FBXW8: variants seen among roughly 807,000 people sequenced by gnomAD.
FBXW8 encodes F-box/WD repeat-containing protein 8.
A neutral mutation model predicts 65.3 loss-of-function variants in FBXW8; 57 were observed. The observed-to-expected ratio is 0.87, with a 90% CI of 0.71 to 1.09. The LOEUF is 1.09. Ranked by LOEUF, FBXW8 falls within the 50% of genes least tolerant of loss-of-function variation. FBXW8 has a pLI of 0.00. For missense variants in FBXW8, 777 were observed against 814.8 expected (o/e 0.95, Z 0.57); for synonymous variants, 308 against 330.2 (o/e 0.93, Z 0.73).
intron 3 of FBXW8, 39 bp from the exon 4 acceptor site, chr12:116,949,579 G>A (rs778152410): frequency 1.3e-5 from 20 of 1,591,876 alleles, no homozygotes; most frequent in Middle Eastern, 3.3e-4. Context: ...GGGCTGTCCC[G>A]AGAGCAGTCT....
In FBXW8 at chr12:117,029,468, G is replaced by T. The variant is rs1052112771; in HGVS notation, c.*1296G>T. 3 of 152,218 alleles carry T rather than the reference G, an allele frequency of 2.0e-5. No individual in the cohort carries two copies. The highest frequency in any genetic ancestry group is 1.9e-4 in the East Asian group (1 of 5,200). 9.4% of individuals were successfully genotyped at this position (152,218 alleles called of 1,614,324 possible). On this transcript the variant is annotated 3_prime_UTR_variant, in exon 11 of 11. Coordinates refer to ENST00000652555, the MANE Select transcript of FBXW8 (RefSeq NM_153348.3). The stretch of plus-strand genomic sequence containing the variant: ...ATACAAAACCCAGGGGATGGGGCTG[G>T]GAGGGGCTGTGAGGGGCTGGCACCT...
chr12:117,012,493 T>C (rs1401486062), intron 8 of FBXW8, among the ~76,000 whole-genome samples: 1 of 152,144 alleles, frequency 6.6e-6, no homozygotes, highest in Non-Finnish European at 1.5e-5. Context: ...CAGCTTAGAA[T>C]ATAGGGGTTT....
intron 2 of FBXW8, among the ~76,000 whole-genome samples, chr12:116,939,878 G>T (rs370066094): frequency 5.7e-4 from 87 of 152,288 alleles, no homozygotes; most frequent in African/African-American, 1.9e-3. Context: ...CTTCATGATT[G>T]CCCAGTGCTC....
At chr12:117,014,747 T>A (rs1455604455) in intron 8 of FBXW8, among the ~76,000 whole-genome samples, 1 of 152,188 alleles carries the variant, frequency 6.6e-6, no homozygotes, top group Admixed American at 6.5e-5. Context: ...GGGTTGGCAG[T>A]GGTTCAGTCT....
chr12:116,925,582 A>G (rs1443160631), intron 1 of FBXW8, among the ~76,000 whole-genome samples: 2 of 152,152 alleles, frequency 1.3e-5, no homozygotes, highest in African/African-American at 4.8e-5. Context: ...AAGGTCATCT[A>G]CATGAAAGTC....
At chr12:116,997,554 G>T (rs1953405062) in intron 7 of FBXW8, among the ~76,000 whole-genome samples, 1 of 152,134 alleles carries the variant, frequency 6.6e-6, no homozygotes, top group Non-Finnish European at 1.5e-5. Flanking sequence ...CTTGTTAGGT[G>T]CCTCCTTCAC....
In FBXW8 at chr12:117,029,275, C is replaced by G. The variant is rs1954306748; in HGVS notation, c.*1103C>G. On this transcript the variant is annotated 3_prime_UTR_variant, in exon 11 of 11. Coordinates refer to ENST00000652555, the MANE Select transcript of FBXW8 (RefSeq NM_153348.3). ...CACTGCACCCTATGGGCTATACCCT[C>G]AGGCAGGGCCCTGCTTTTCTAGGAA... The G allele has an allele frequency of 6.6e-6, 1 of 152,238 alleles. No homozygotes were observed. Among genetic ancestry groups the G allele is most frequent in the Admixed American group, 6.5e-5 (1 of 15,282 alleles). 9.4% of individuals were successfully genotyped at this position (152,238 alleles called of 1,614,324 possible). A position where few individuals can be genotyped will look rare whatever the true frequency, so the allele number is the denominator to read the frequency against.
chr12:117,022,510 C>A (rs1190473919), intron 8 of FBXW8, among the ~76,000 whole-genome samples: 1 of 152,002 alleles, frequency 6.6e-6, no homozygotes, highest in African/African-American at 2.4e-5. Context: ...AAAAAATTAG[C>A]CTGGTGTGGT....
chr12:116,985,343 T>A lies in FBXW8; in HGVS notation c.973T>A (p.Leu325Ile). 6.2e-7 allele frequency: 1 copy of A among 1,614,212 alleles called. No homozygotes were observed. The highest frequency in any genetic ancestry group is 8.5e-7 in the Non-Finnish European group (1 of 1,180,042). The change falls in exon 6 of 11, where the codon TTA becomes ATA. Residue 325 changes from leucine (L) to isoleucine (I), a missense_variant. By Grantham distance (5) the Leu-to-Ile change is conservative. Coordinates refer to ENST00000652555, the MANE Select transcript of FBXW8 (RefSeq NM_153348.3). ...ATASAFDVVM[L>I]SPNEEGYWQI... ...AGCTTCTGCTTTTGATGTCGTGATGTTATCCCCCAATGAGGAGGGGTACTG... is the reference window on the plus strand; with the variant it reads ...AGCTTCTGCTTTTGATGTCGTGATGATATCCCCCAATGAGGAGGGGTACTG...
At chr12:116,983,367 G>A (rs569537493) in intron 5 of FBXW8, among the ~76,000 whole-genome samples, 17 of 152,264 alleles carry the variant, frequency 1.1e-4, no homozygotes, top group African/African-American at 3.9e-4. Flanking sequence ...TTTGTGATCC[G>A]CTTATCCCCC....
chr12:116,994,197 C>G (rs1036757037), intron 7 of FBXW8, among the ~76,000 whole-genome samples: 1 of 152,010 alleles, frequency 6.6e-6, no homozygotes, highest in African/African-American at 2.4e-5. Context: ...AAAGTAGATA[C>G]CAGTACTGGT....
At chr12:117,018,730 C>T (rs1008866927) in intron 8 of FBXW8, among the ~76,000 whole-genome samples, 5 of 152,120 alleles carry the variant, frequency 3.3e-5, no homozygotes, top group Admixed American at 2.6e-4. Flanking sequence ...ACACTGAGGC[C>T]GCATCTTTTG....
At position 117,029,259 on chromosome 12, in the gene FBXW8, C is replaced by T. The variant is rs575611436; in HGVS notation, c.*1087C>T. On this transcript the variant is annotated 3_prime_UTR_variant, in exon 11 of 11. Coordinates refer to ENST00000652555, the MANE Select transcript of FBXW8 (RefSeq NM_153348.3). ...TCCCCCAACCCCAAGACACTGCACC[C>T]TATGGGCTATACCCTCAGGCAGGGC... is the stretch of plus-strand genomic sequence containing the variant. 6.6e-6 allele frequency: 1 copy of T among 152,378 alleles called. No individual in the cohort carries two copies. The highest frequency in any genetic ancestry group is 2.1e-4 in the South Asian group (1 of 4,830). 9.4% of individuals were successfully genotyped at this position (152,378 alleles called of 1,614,324 possible). A position where few individuals can be genotyped will look rare whatever the true frequency, so the allele number is the denominator to read the frequency against.
intron 4 of FBXW8, among the ~76,000 whole-genome samples, chr12:116,963,125 C>G (rs1167934926): frequency 6.6e-6 from 1 of 152,196 alleles, no homozygotes; most frequent in Non-Finnish European, 1.5e-5. Context: ...CCGTTTGGCT[C>G]TTTATCCCAC....
At chr12:116,965,367 T>G (rs1214536411) in intron 5 of FBXW8, among the ~76,000 whole-genome samples, 2 of 152,242 alleles carry the variant, frequency 1.3e-5, no homozygotes, top group Non-Finnish European at 2.9e-5. Context: ...GATAGAATTC[T>G]TTTTGTACAT....
At chr12:116,925,512 T>C (rs144581730) in intron 1 of FBXW8, among the ~76,000 whole-genome samples, 14 of 152,342 alleles carry the variant, frequency 9.2e-5, no homozygotes, top group Non-Finnish European at 7.3e-5. Context: ...GATATGGACC[T>C]TCCGTTAGTG....
intron 1 of FBXW8, among the ~76,000 whole-genome samples, chr12:116,921,368 G>T (rs1880885871): frequency 6.6e-6 from 1 of 152,176 alleles, no homozygotes; most frequent in Non-Finnish European, 1.5e-5. Flanking sequence ...GAGACGAATT[G>T]TTTTTTTGTG....
intron 3 of FBXW8, among the ~76,000 whole-genome samples, chr12:116,945,848 T>C (rs1882895722): frequency 1.3e-5 from 2 of 152,210 alleles, no homozygotes; most frequent in Non-Finnish European, 2.9e-5. Flanking sequence ...TTTCACCGAC[T>C]CTCTGGAGGG....
At chr12:116,967,923 C>T (rs1035881557) in intron 5 of FBXW8, among the ~76,000 whole-genome samples, 7 of 152,198 alleles carry the variant, frequency 4.6e-5, no homozygotes, top group East Asian at 3.9e-4. Context: ...CCTGCCACCA[C>T]GCCCAGCTAA....
Sources: allele counts gnomAD v4.1 joint callset (sites outside exome capture counted in the v4.1 genomes callset), GRCh38; gene constraint gnomAD v4.1.1; transcripts MANE v1.5; gene names NCBI Gene and HGNC (gene_info 2026-07-23, HGNC 2026-07-21).